Variants in GPC6 observed in about 807,000 individuals in gnomAD.
GPC6 encodes glypican 6.
In GPC6, 14 loss-of-function variants were observed where a neutral mutation model predicts 55.2. The observed-to-expected ratio is 0.25, with a 90% CI of 0.17 to 0.40. The LOEUF (loss-of-function observed/expected upper bound fraction) is 0.40, where lower values mean the gene tolerates loss of function less well. Ranked by LOEUF, GPC6 falls within the 10% of genes least tolerant of loss-of-function variation. GPC6 has a pLI of 1.00. For synonymous variants in GPC6, 278 were observed against 259.6 expected, an observed-to-expected ratio of 1.07 and a Z score of -0.68; for missense variants, 641 against 708.5, an observed-to-expected ratio of 0.90 and a Z score of 1.08.
chr13:94,286,455 A>G lies in GPC6; in HGVS notation c.984A>G (p.Glu328=), dbSNP rs373334264. The part of the protein sequence containing the change: ...KISEAIMNMQ[E]NSMQVSAKVF... ...CTGAAGCCATTATGAACATGCAAGA[A>G]AACAGCATGCAGGTGTCTGCAAAGG... The change falls in exon 5 of 9, where the codon GAA becomes GAG. Residue 328 remains glutamate, a synonymous_variant. Transcript: ENST00000377047. 4.7e-5 allele frequency: 76 copies of G among 1,613,668 alleles called. 1 individual carries two copies. In the Admixed American group the frequency reaches 1.3e-3, roughly 27 times the overall value.
intron 3 of GPC6, among the ~76,000 whole-genome samples, chr13:93,966,986 A>G (rs999793067): frequency 6.6e-6 from 1 of 152,138 alleles, no homozygotes; most frequent in Non-Finnish European, 1.5e-5. Flanking sequence ...TTTAGACTGA[A>G]GGTGATGTCA....
intron 3 of GPC6, among the ~76,000 whole-genome samples, chr13:93,895,200 A>ATATGTGTGTGTGTGTG (rs1875920520): frequency 7.5e-6 from 1 of 133,076 alleles, no homozygotes; most frequent in Non-Finnish European, 1.5e-5. Context: ...AAGTCCATAT[A>ATATGTGTGTGTGTGTG]TATGTGTGTG....
intron 1 of GPC6, among the ~76,000 whole-genome samples, chr13:93,262,607 A>G (rs979332031): frequency 9.8e-5 from 15 of 152,316 alleles, no homozygotes; most frequent in African/African-American, 3.1e-4. Flanking sequence ...TCATATGTTA[A>G]CCTAAATGGT....
intron 1 of GPC6, among the ~76,000 whole-genome samples, chr13:93,433,054 G>T (rs1877429051): frequency 6.6e-6 from 1 of 152,102 alleles, no homozygotes; most frequent in South Asian, 2.1e-4. Flanking sequence ...AAAAATGTTT[G>T]TGTTTCTAAA....
At chr13:93,953,930 ACT>A (rs1423919137) in intron 3 of GPC6, among the ~76,000 whole-genome samples, 2 of 152,196 alleles carry the variant, frequency 1.3e-5, no homozygotes, top group South Asian at 2.1e-4. Flanking sequence ...CATAAAATTC[ACT>A]GTTTTAAAGT....
In GPC6 at chr13:93,459,907, G is replaced by A. The variant is rs533735724; in HGVS notation, c.161-85356G>A. Among the ~76,000 whole-genome samples, 5 of 152,280 alleles carry A rather than the reference G, an allele frequency of 3.3e-5. No homozygotes were observed. In the South Asian group the frequency reaches 1.0e-3, roughly 32 times the overall value. The stretch of plus-strand genomic sequence containing the variant: ...GTGGTATCTAAAATTAGGTTTAGGT[G>A]GCCAAGAGTGTGAGAGGCAAGCCAC... On this transcript the variant is annotated intron_variant, in intron 1 of 8. Coordinates refer to ENST00000377047, the MANE Select transcript of GPC6 (RefSeq NM_005708.5).
chr13:94,068,569 G>A (rs1310830743), intron 4 of GPC6, among the ~76,000 whole-genome samples: 1 of 152,164 alleles, frequency 6.6e-6, no homozygotes, highest in Non-Finnish European at 1.5e-5. Flanking sequence ...TTTGAGACAA[G>A]GCAAGTTCCT....
At chr13:93,226,301 TC>T (rs1875780069), upstream of GPC6, among the ~76,000 whole-genome samples, 1 of 152,122 alleles carries the variant, frequency 6.6e-6, no homozygotes, top group Non-Finnish European at 1.5e-5. Context: ...TGATTTCTGA[TC>T]GAAGGCTATG....
chr13:93,504,436 C>CA (rs1352976909), intron 1 of GPC6, among the ~76,000 whole-genome samples: 2 of 151,380 alleles, frequency 1.3e-5, no homozygotes, highest in Admixed American at 6.6e-5. Flanking sequence ...ATTTACAGAG[C>CA]ATCCTGCATA....
At chr13:93,570,930 C>T (rs1426282471) in intron 2 of GPC6, among the ~76,000 whole-genome samples, 2 of 151,946 alleles carry the variant, frequency 1.3e-5, no homozygotes, top group Non-Finnish European at 2.9e-5. Context: ...TTTACTTACT[C>T]GTAATTCAAT....
intron 4 of GPC6, among the ~76,000 whole-genome samples, chr13:94,139,644 A>G (rs954544192): frequency 6.6e-6 from 1 of 152,194 alleles, no homozygotes; most frequent in Non-Finnish European, 1.5e-5. Context: ...TCAGACATTT[A>G]GCTTTAACCA....
At chr13:94,007,782 T>A (rs1285125025) in intron 3 of GPC6, among the ~76,000 whole-genome samples, 3 of 152,138 alleles carry the variant, frequency 2.0e-5, no homozygotes, top group Non-Finnish European at 4.4e-5. Flanking sequence ...GTCTCATTCA[T>A]GATAAATGTT....
At chr13:93,645,673 A>G (rs146721160) in intron 2 of GPC6, among the ~76,000 whole-genome samples, 1 of 152,252 alleles carries the variant, frequency 6.6e-6, no homozygotes, top group East Asian at 1.9e-4. Context: ...ATAATATGCT[A>G]TTCATGGTTG....
chr13:93,603,165 A>C (rs1156264698), intron 2 of GPC6, among the ~76,000 whole-genome samples: 10 of 152,020 alleles, frequency 6.6e-5, no homozygotes, highest in Admixed American at 6.6e-4. Flanking sequence ...ACACACCACC[A>C]CACCCAGCTA....
In GPC6 at chr13:93,865,635, C is replaced by T. The variant is rs554681375; in HGVS notation, c.711+35090C>T. Among the ~76,000 whole-genome samples, 5 of 151,782 alleles carry T rather than the reference C, an allele frequency of 3.3e-5. No homozygotes were observed. In the East Asian group the frequency reaches 7.9e-4, roughly 24 times the overall value. ...AGCCAGCTTTGCAAGACTGCACTGT[C>T]TTTCATATATTTACCTTCTCTCATC... On this transcript the variant is annotated intron_variant, in intron 3 of 8. Coordinates refer to ENST00000377047, the MANE Select transcript of GPC6 (RefSeq NM_005708.5).
intron 1 of GPC6, among the ~76,000 whole-genome samples, chr13:93,338,400 T>C (rs549635147): frequency 6.6e-6 from 1 of 152,350 alleles, no homozygotes; most frequent in East Asian, 1.9e-4. Context: ...AATCAGTTTC[T>C]CCACATCTTG....
intron 1 of GPC6, among the ~76,000 whole-genome samples, chr13:93,518,397 A>G (rs1181911890): frequency 2.0e-5 from 3 of 151,680 alleles, no homozygotes; most frequent in East Asian, 1.9e-4. Context: ...CACTTTTCCA[A>G]TCTGTTAGTC....
intron 1 of GPC6, among the ~76,000 whole-genome samples, chr13:93,537,889 G>C (rs1882122574): frequency 6.7e-6 from 1 of 150,014 alleles, no homozygotes; most frequent in Non-Finnish European, 1.5e-5. Context: ...TATCACACTA[G>C]AAATATGAAA....
At chr13:93,760,757 T>G (rs1404214832) in intron 2 of GPC6, among the ~76,000 whole-genome samples, 1 of 152,208 alleles carries the variant, frequency 6.6e-6, no homozygotes, top group East Asian at 1.9e-4. Flanking sequence ...TAGCAAATGA[T>G]TACATGTTCA....
Sources: gnomAD v4.1 joint callset for allele counts (sites outside exome capture counted in the v4.1 genomes callset) on GRCh38, gnomAD v4.1.1 for gene constraint, MANE v1.5 for transcripts, NCBI Gene and HGNC (gene_info 2026-07-23, HGNC 2026-07-21) for gene names.